The following DPCD variants were observed in gnomAD, a reference collection of about 807,000 sequenced individuals.
DPCD encodes the protein deleted in primary ciliary dyskinesia homolog (mouse), also known as protein DPCD.
DPCD carries 20 observed loss-of-function variants against 26.4 expected under a neutral mutation model. That is an observed-to-expected ratio of 0.76 (90% CI 0.53 to 1.10). The LOEUF (loss-of-function observed/expected upper bound fraction) is 1.10. Ranked by LOEUF, DPCD falls within the 50% of genes least tolerant of loss-of-function variation. DPCD has a pLI of 0.00. For synonymous variants in DPCD, 97 were observed against 94.2 expected (o/e 1.03, Z -0.17); for missense variants, 202 against 253.9 (o/e 0.80, Z 1.39).
At chr10:101,597,761 C>G (rs992065790) in intron 2 of DPCD, among the ~76,000 whole-genome samples, 1 of 152,218 alleles carries the variant, frequency 6.6e-6, no homozygotes, top group African/African-American at 2.4e-5. Flanking sequence ...TGGAAACAGT[C>G]TTCTGTTGCC....
rs1181681039 is a variant in DPCD, at chr10:101,588,672, T to C, written c.64+272T>C. 4.0e-6 allele frequency: 5 copies of C among 1,258,986 alleles called. No homozygotes were observed. In the African/African-American group the frequency reaches 7.7e-5, roughly 19 times the overall value. The allele number at this position is 1,258,986 out of a possible 1,614,324, so 78.0% of individuals were successfully genotyped here. ...AATTTCTTTTACATTCATTATCTCA[T>C]TTGCTCCTCACCACTGTCCTGAGAG... On this transcript the variant is annotated intron_variant, in intron 1 of 5. Coordinates refer to ENST00000370151, the MANE Select transcript of DPCD (RefSeq NM_015448.3).
intron 2 of DPCD, among the ~76,000 whole-genome samples, chr10:101,595,454 C>CT (rs2063643844): frequency 2.6e-5 from 4 of 152,128 alleles, no homozygotes; most frequent in African/African-American, 7.2e-5. Context: ...GAGTTGGTCT[C>CT]TTTATTAAGT....
At position 101,606,436 on chromosome 10, in the gene DPCD, C is replaced by T. The variant is rs188051495; in HGVS notation, c.405-2399C>T. Among the ~76,000 whole-genome samples the T allele has an allele frequency of 5.3e-5, 8 of 152,316 alleles. No homozygotes were observed. The South Asian group carries it at 6.2e-4, about 12-fold the overall frequency. ...TCGGCCTCCCAAAATGCTGGGATTACAGAAGTGAGCCACTGCATCTGGAGG... is the reference window on the plus strand; with the variant it reads ...TCGGCCTCCCAAAATGCTGGGATTATAGAAGTGAGCCACTGCATCTGGAGG... On this transcript the variant is annotated intron_variant, in intron 4 of 5. Coordinates refer to ENST00000370151, the MANE Select transcript of DPCD (RefSeq NM_015448.3).
intron 1 of DPCD, among the ~76,000 whole-genome samples, chr10:101,590,207 A>C (rs1255619691): frequency 6.6e-6 from 1 of 152,234 alleles, no homozygotes; most frequent in Non-Finnish European, 1.5e-5. Flanking sequence ...CAAAATGTTT[A>C]GTAATGTTAA....
intron 4 of DPCD, among the ~76,000 whole-genome samples, chr10:101,604,345 G>C (rs1249373218): frequency 6.6e-6 from 1 of 152,154 alleles, no homozygotes; most frequent in East Asian, 1.9e-4. Flanking sequence ...GCACATCATG[G>C]CATTTCTCTC....
chr10:101,603,583 C>A lies in DPCD; in HGVS notation c.404+2247C>A, dbSNP rs1485805521. Among the ~76,000 whole-genome samples the A allele has an allele frequency of 6.6e-6, 1 of 152,048 alleles. No individual in the cohort carries two copies. The highest frequency in any genetic ancestry group is 1.5e-5 in the Non-Finnish European group (1 of 68,024). ...GACCAGCCTGGCCAACATGGCGAAACCCTGTCTCTCTAAAAATACAAAAAT... is the reference window on the plus strand; with the variant it reads ...GACCAGCCTGGCCAACATGGCGAAAACCTGTCTCTCTAAAAATACAAAAAT... On this transcript the variant is annotated intron_variant, in intron 4 of 5. Coordinates refer to ENST00000370151, the MANE Select transcript of DPCD (RefSeq NM_015448.3). The surrounding 1 kb of genome is among the most constrained non-coding windows in gnomAD (Gnocchi z 4.6).
intron 1 of DPCD, among the ~76,000 whole-genome samples, chr10:101,590,428 T>C (rs1375692439): frequency 3.9e-5 from 6 of 152,202 alleles, no homozygotes; most frequent in Non-Finnish European, 7.3e-5. Context: ...CATAGGACAG[T>C]GGTTTTTGTT....
chr10:101,591,129 A>G (rs1476656964), intron 1 of DPCD, among the ~76,000 whole-genome samples: 22 of 152,174 alleles, frequency 1.4e-4, no homozygotes, highest in Admixed American at 1.4e-3. Flanking sequence ...AGAGGTATGG[A>G]TATTGTAGCA....
chr10:101,607,577 G>A (rs1479331815), intron 4 of DPCD, among the ~76,000 whole-genome samples: 4 of 152,178 alleles, frequency 2.6e-5, no homozygotes, highest in South Asian at 2.1e-4. Flanking sequence ...TGGGCAGGGA[G>A]GACGGGGGCA....
At chr10:101,601,116 C>A in intron 3 of DPCD, 87 bp from the exon 4 acceptor site, 1 of 1,577,828 alleles carries the variant, frequency 6.3e-7, no homozygotes, top group Non-Finnish European at 8.6e-7. Context: ...AGCTGAGGGT[C>A]TTGTTGTGCC....
intron 4 of DPCD, chr10:101,605,346 C>T (rs1354042337): frequency 3.7e-6 from 5 of 1,344,368 alleles, no homozygotes; most frequent in Admixed American, 5.2e-5. Context: ...GGAGGGGATA[C>T]AGTAGAGAGT....
chr10:101,594,977 G>A (rs1437370724), intron 2 of DPCD, among the ~76,000 whole-genome samples: 1 of 152,200 alleles, frequency 6.6e-6, no homozygotes, highest in African/African-American at 2.4e-5. Context: ...ATGAGAGAGG[G>A]AGTAATTCTA....
chr10:101,601,109 T>A, intron 3 of DPCD, 94 bp from the exon 4 acceptor site: 1 of 1,566,758 alleles, frequency 6.4e-7, no homozygotes, highest in Non-Finnish European at 8.7e-7. Flanking sequence ...GGAGAAGAGC[T>A]GAGGGTCTTG....
In DPCD at chr10:101,603,211, C is replaced by T. The variant is rs1295334996; in HGVS notation, c.404+1875C>T. On this transcript the variant is annotated intron_variant, in intron 4 of 5. Transcript: ENST00000370151. The surrounding 1 kb of genome is among the most constrained non-coding windows in gnomAD (Gnocchi z 4.6). The stretch of plus-strand genomic sequence containing the variant: ...TGGCTCATCCCTGCCCTCCTCAGGT[C>T]TCTCTGTTGGGAGGTAACCTAGAGG... Among the ~76,000 whole-genome samples the T allele has an allele frequency of 2.6e-5, 4 of 152,330 alleles. No individual in the cohort carries two copies. The highest frequency in any genetic ancestry group is 9.6e-5 in the African/African-American group (4 of 41,576).
chr10:101,609,562 A>T lies in DPCD; in HGVS notation c.*91A>T, dbSNP rs1397434285. ...TGACCACGGCAGCCTCCTGTCTTCT[A>T]GGAGCTATCAAGGGTCTCTAAGAAC... On this transcript the variant is annotated 3_prime_UTR_variant, in exon 6 of 6. Coordinates refer to ENST00000370151, the MANE Select transcript of DPCD (RefSeq NM_015448.3). 6 of 1,142,392 alleles carry T rather than the reference A, an allele frequency of 5.3e-6. No homozygotes were observed. The East Asian group carries it at 1.5e-4, about 28-fold the overall frequency. 70.8% of individuals were successfully genotyped at this position (1,142,392 alleles called of 1,614,324 possible). A position where few individuals can be genotyped will look rare whatever the true frequency, so the allele number is the denominator to read the frequency against.
intron 1 of DPCD, among the ~76,000 whole-genome samples, chr10:101,592,875 G>A (rs1274606720): frequency 1.3e-5 from 2 of 151,394 alleles, no homozygotes; most frequent in Non-Finnish European, 2.9e-5. Flanking sequence ...TTAGCTGGGT[G>A]TGGTAGCATT....
chr10:101,596,998 T>C (rs1564892618), intron 2 of DPCD, among the ~76,000 whole-genome samples: 1 of 152,182 alleles, frequency 6.6e-6, no homozygotes, highest in South Asian at 2.1e-4. Context: ...TCCTGTTTTT[T>C]TCCTACCCTC....
chr10:101,594,786 A>C (rs948086789), intron 2 of DPCD, 48 bp downstream of exon 2: 55 of 1,564,186 alleles, frequency 3.5e-5, no homozygotes, highest in Non-Finnish European at 4.5e-5. Context: ...CTTGGGGCTG[A>C]CATAAGCACA....
chr10:101,592,740 G>T (rs978584795), intron 1 of DPCD, among the ~76,000 whole-genome samples: 3 of 150,810 alleles, frequency 2.0e-5, no homozygotes, highest in African/African-American at 7.3e-5. Flanking sequence ...AGTTGGCCGG[G>T]CGTGGTGGCT....
Sources: gnomAD v4.1 joint callset for allele counts (sites outside exome capture counted in the v4.1 genomes callset) on GRCh38, gnomAD v4.1.1 for gene constraint, Gnocchi (gnomAD v3.1) non-coding constraint, MANE v1.5 for transcripts, NCBI Gene and HGNC (gene_info 2026-07-23, HGNC 2026-07-21) for gene names.